Variants in MINK1 observed in about 807,000 individuals in gnomAD.
MINK1 encodes the protein misshapen like kinase 1.
In MINK1, 46 loss-of-function variants were observed where a neutral mutation model predicts 178.4. The ratio of observed to expected loss-of-function variants is 0.26; its 90% confidence interval spans 0.20 to 0.33. The LOEUF is 0.33. Among genes scored for constraint, MINK1 ranks in the 10% least tolerant of loss-of-function variants. The pLI, the probability that MINK1 is intolerant of heterozygous loss-of-function variation, is 1.00. For missense variants in MINK1, 1,366 were observed against 1,814.9 expected (o/e 0.75, Z 4.49); for synonymous variants, 797 against 709.7 (o/e 1.12, Z -1.96).
chr17:4,881,001 G>C lies in MINK1; in HGVS notation c.141G>C (p.Thr47=). The C allele has an allele frequency of 2.6e-6, 4 of 1,523,328 alleles. No homozygotes were observed. Among genetic ancestry groups the C allele is most frequent in the Non-Finnish European group, 3.5e-6 (4 of 1,139,698 alleles). The allele number at this position is 1,523,328 out of a possible 1,614,324, so 94.4% of individuals were successfully genotyped here. A position where few individuals can be genotyped will look rare whatever the true frequency, so the allele number is the denominator to read the frequency against. The change falls in exon 3 of 32, where the codon ACG becomes ACC. Residue 47 remains threonine, a synonymous_variant. Coordinates refer to ENST00000355280, the MANE Select transcript of MINK1 (RefSeq NM_153827.5). ...GQVYKGRHVK[T]GQLAAIKVMD... is the part of the protein sequence containing the mutation. ...TCCCGCAGGGTCGGCATGTCAAGAC[G>C]GGGCAGCTGGCTGCCATCAAGGTCA...
chr17:4,873,773 C>T (rs1030178273), intron 1 of MINK1, among the ~76,000 whole-genome samples: 1 of 152,024 alleles, frequency 6.6e-6, no homozygotes, highest in Non-Finnish European at 1.5e-5. Context: ...TGCCCACCAC[C>T]ATATCCAGAT....
intron 1 of MINK1, among the ~76,000 whole-genome samples, chr17:4,850,788 C>G (rs1386425065): frequency 1.3e-5 from 2 of 152,184 alleles, no homozygotes; most frequent in Non-Finnish European, 2.9e-5. Context: ...ATATAATGAT[C>G]TGTTTGTGCT....
In MINK1 at chr17:4,892,444, G is replaced by A. The variant is rs764034992; in HGVS notation, c.2130G>A (p.Arg710=). 1.3e-6 allele frequency: 2 copies of A among 1,564,552 alleles called. No individual in the cohort carries two copies. The highest frequency in any genetic ancestry group is 1.7e-6 in the Non-Finnish European group (2 of 1,155,628). ...CCTGGCAAATCTATCTGCAAAGGCG[G>A]GCAGAGCGGGGCACCCCAAAGCCTC... The part of the protein sequence containing the change: ...NSAWQIYLQR[R]AERGTPKPPG... The change falls in exon 18 of 32, where the codon CGG becomes CGA. Residue 710 remains arginine, a synonymous_variant. Coordinates refer to ENST00000355280, the MANE Select transcript of MINK1 (RefSeq NM_153827.5).
At chr17:4,843,974 A>G (rs1035695518) in intron 1 of MINK1, among the ~76,000 whole-genome samples, 2 of 152,006 alleles carry the variant, frequency 1.3e-5, no homozygotes, top group Non-Finnish European at 2.9e-5. Flanking sequence ...ACTACATGCA[A>G]CTGGTATTGT....
intron 1 of MINK1, among the ~76,000 whole-genome samples, chr17:4,873,832 C>A (rs1966925881): frequency 6.6e-6 from 1 of 151,954 alleles, no homozygotes; most frequent in Admixed American, 6.6e-5. Context: ...GTTGGCCAGG[C>A]TGGTCTCGAA....
chr17:4,865,951 A>AAAAC (rs1242512913), intron 1 of MINK1, among the ~76,000 whole-genome samples: 5 of 152,298 alleles, frequency 3.3e-5, no homozygotes, highest in Admixed American at 6.5e-5. Context: ...AGAAAGAAAG[A>AAAAC]AAACAAAGAC....
intron 1 of MINK1, among the ~76,000 whole-genome samples, chr17:4,855,630 T>C (rs866009762): frequency 5.5e-4 from 78 of 140,888 alleles, no homozygotes; most frequent in South Asian, 1.1e-3. Flanking sequence ...ATTAGCCGAG[T>C]GTGGTGGCAG....
intron 1 of MINK1, among the ~76,000 whole-genome samples, chr17:4,865,997 GT>G (rs1914903888): frequency 6.6e-6 from 1 of 152,192 alleles, no homozygotes; most frequent in Non-Finnish European, 1.5e-5. Flanking sequence ...AATTGTAGAG[GT>G]TATTAATGTG....
At chr17:4,834,075 A>C (rs987439292) in intron 1 of MINK1, among the ~76,000 whole-genome samples, 5 of 151,816 alleles carry the variant, frequency 3.3e-5, no homozygotes, top group African/African-American at 1.2e-4. Flanking sequence ...TTGACTTTGC[A>C]ACTGTCTCGA....
chr17:4,890,489 A>T, intron 13 of MINK1, 28 bp from the exon 14 acceptor site: 1 of 1,563,732 alleles, frequency 6.4e-7, no homozygotes, highest in Non-Finnish European at 8.7e-7. Context: ...CACCCTGCTG[A>T]GCCCTCTCTC....
chr17:4,869,805 A>AT (rs1217274712), intron 1 of MINK1, among the ~76,000 whole-genome samples: 45 of 118,934 alleles, frequency 3.8e-4, no homozygotes, highest in Non-Finnish European at 7.1e-4. Context: ...TTTTTATTTT[A>AT]TTTATTATTT....
intron 1 of MINK1, among the ~76,000 whole-genome samples, chr17:4,834,990 T>C (rs1160921202): frequency 3.9e-5 from 6 of 152,238 alleles, no homozygotes; most frequent in Middle Eastern, 3.2e-3. Context: ...GGTCATAATT[T>C]GTTTGGTGCA....
intron 20 of MINK1, 137 bp downstream of exon 20, chr17:4,893,204 G>T: frequency 1.3e-6 from 2 of 1,561,930 alleles, no homozygotes; most frequent in Non-Finnish European, 1.8e-6. Context: ...TGCTTCTCAT[G>T]GTGCTAACCT....
intron 4 of MINK1, among the ~76,000 whole-genome samples, 163 bp from the exon 5 acceptor site, chr17:4,884,200 T>C (rs1372414394): frequency 6.6e-6 from 1 of 152,084 alleles, no homozygotes; most frequent in African/African-American, 2.4e-5. Context: ...GAGGAAATCC[T>C]GTGGCCTTTG....
chr17:4,838,359 A>C (rs35841479), intron 1 of MINK1, among the ~76,000 whole-genome samples: 4 of 152,074 alleles, frequency 2.6e-5, no homozygotes, highest in Non-Finnish European at 5.9e-5. Flanking sequence ...TATACACAGC[A>C]GGGAGGTTTT....
Position 4,896,619 on chromosome 17 carries a change from G to A in MINK1, c.3775+31G>A, listed in dbSNP as rs750250788. ...TGAGCTGCCGCCCTCCCAGCCACAT[G>A]CCCCGAGGTGGCCCCGGGGTGCAGC... On this transcript the variant is annotated intron_variant, in intron 30 of 31. Coordinates refer to ENST00000355280, the MANE Select transcript of MINK1 (RefSeq NM_153827.5). This position sits in a 1 kb window ranked among gnomAD's most constrained non-coding sequence, Gnocchi z 4.6. 7 of 1,612,490 alleles carry A rather than the reference G, an allele frequency of 4.3e-6. No individual in the cohort carries two copies. The highest frequency in any genetic ancestry group is 5.9e-6 in the Non-Finnish European group (7 of 1,178,948).
chr17:4,896,731 C>A lies in MINK1; in HGVS notation c.3833C>A (p.Ser1278Tyr). 6.2e-7 allele frequency: 1 copy of A among 1,604,544 alleles called. No individual in the cohort carries two copies. Among genetic ancestry groups the A allele is most frequent in the South Asian group, 1.1e-5 (1 of 89,850 alleles). ...GWGEKAIEIR[S>Y]VETGHLDGVF... ...GGTGAGAAAGCCATTGAGATCCGCT[C>A]TGTGGAGACGGGCCACCTCGACGGG... Residue 1278 changes from serine (S) to tyrosine (Y), a missense_variant, in exon 31 of 32, where the codon TCT (serine) becomes TAT (tyrosine). This residue lies in a region of MINK1 where 201 missense variants were observed against 240.7 expected (regional missense o/e 0.84). Coordinates refer to ENST00000355280, the MANE Select transcript of MINK1 (RefSeq NM_153827.5). This position sits in a 1 kb window ranked among gnomAD's most constrained non-coding sequence, Gnocchi z 4.6.
intron 1 of MINK1, chr17:4,856,842 ACTACTGAGGGCCAG>A (rs1385339907): frequency 6.3e-6 from 1 of 158,026 alleles, no homozygotes; most frequent in African/African-American, 2.4e-5. Flanking sequence ...TAGAAGATCA[ACTACTGAGGGCCAG>A]CTGCCCAGCA....
rs758463798 is a variant in MINK1, at chr17:4,895,378, C to T, written c.3114C>T (p.Asn1038=). 62 of 1,608,422 alleles carry T rather than the reference C, an allele frequency of 3.9e-5. No individual in the cohort carries two copies. The highest frequency in any genetic ancestry group is 1.7e-4 in the Admixed American group (10 of 59,672). ...TCAACCTGCTGGTGGGCACGGAGAA[C>T]GGGCTGATGTTGCTGGACCGAAGTG... ...WGVNLLVGTE[N]GLMLLDRSGQ... The change falls in exon 26 of 32, where the codon AAC becomes AAT. Residue 1038 remains asparagine (N), a synonymous_variant. Coordinates refer to ENST00000355280, the MANE Select transcript of MINK1 (RefSeq NM_153827.5). The surrounding 1 kb of genome is among the most constrained non-coding windows in gnomAD (Gnocchi z 4.3).
Sources: allele counts gnomAD v4.1 joint callset (sites outside exome capture counted in the v4.1 genomes callset), GRCh38; gene constraint gnomAD v4.1.1; regional missense constraint gnomAD v4.1.1; non-coding constraint Gnocchi (gnomAD v3.1); transcripts MANE v1.5; gene names NCBI Gene and HGNC (gene_info 2026-07-23, HGNC 2026-07-21).